Variants in NCOA6 observed in about 807,000 individuals in gnomAD.
The protein encoded by NCOA6 is nuclear receptor coactivator 6.
Under a neutral mutation model 171.4 loss-of-function variants are expected in NCOA6, and 49 were observed. The observed-to-expected ratio is 0.29, with a 90% CI of 0.23 to 0.36. The LOEUF (loss-of-function observed/expected upper bound fraction) is 0.36, where lower values mean the gene tolerates loss of function less well. Among genes scored for constraint, NCOA6 ranks in the 10% least tolerant of loss-of-function variants. The pLI, the probability that NCOA6 is intolerant of heterozygous loss-of-function variation, is 1.00. For missense variants in NCOA6, 2,248 were observed against 2,554.5 expected, an observed-to-expected ratio of 0.88 and a Z score of 2.59; for synonymous variants, 910 against 927.5, an observed-to-expected ratio of 0.98 and a Z score of 0.34.
chr20:34,733,890 T>G (rs1052681630), intron 12 of NCOA6, among the ~76,000 whole-genome samples: 5 of 150,954 alleles, frequency 3.3e-5, no homozygotes, highest in African/African-American at 7.3e-5. Context: ...GAAGGGAATC[T>G]TTGCTTCTCA....
chr20:34,792,945 T>C (rs1352780239), intron 1 of NCOA6, among the ~76,000 whole-genome samples: 2 of 151,618 alleles, frequency 1.3e-5, no homozygotes, highest in African/African-American at 4.9e-5. Flanking sequence ...ATCTGGATAA[T>C]TTTTTTGTAT....
Position 34,811,201 on chromosome 20 carries a change from GTATATATATATA to G in NCOA6, c.-164+14259_-164+14270del, listed in dbSNP as rs10700283. 2.9e-3 allele frequency among the ~76,000 whole-genome samples: 156 copies of G among 53,842 alleles called. 8 individuals carry two copies. Among genetic ancestry groups the G allele is most frequent in the Middle Eastern group, 0.012 (1 of 82 alleles). The allele number at this position is 53,842 out of a possible 152,430, so 35.3% of individuals were successfully genotyped here. On this transcript the variant is annotated intron_variant, in intron 1 of 14. Coordinates refer to ENST00000359003, the MANE Select transcript of NCOA6 (RefSeq NM_014071.5). Reference sequence around the variant, plus strand: ...TATTTAACAACAACAACAACAACGTGTATATATATATATATATATATATATATATATATATGC... The same window carrying G: ...TATTTAACAACAACAACAACAACGTGTATATATATATATATATATATATGC...
chr20:34,815,024 T>C (rs1278411782), intron 1 of NCOA6, among the ~76,000 whole-genome samples: 1 of 152,170 alleles, frequency 6.6e-6, no homozygotes, highest in Non-Finnish European at 1.5e-5. Context: ...TGACCACAAT[T>C]CAAATGAGTA....
rs1988382850 is a variant in NCOA6 at position 34,715,259 on chromosome 20, C to G, written c.*63G>C. ...AGAAATTGATTTAAAAAAGTCACAG[C>G]TCAAAATTGCTCTTTGTAAAAGTCA... On this transcript the variant is annotated 3_prime_UTR_variant, in exon 15 of 15. Transcript: ENST00000359003. 1.9e-6 allele frequency: 3 copies of G among 1,609,028 alleles called. No individual in the cohort carries two copies. The African/African-American group carries it at 4.0e-5, about 22-fold the overall frequency.
At chr20:34,822,607 G>A (rs1386150777) in intron 1 of NCOA6, among the ~76,000 whole-genome samples, 1 of 152,180 alleles carries the variant, frequency 6.6e-6, no homozygotes, top group African/African-American at 2.4e-5. Flanking sequence ...CTTCACTCAT[G>A]GGGCTGCATA....
intron 3 of NCOA6, among the ~76,000 whole-genome samples, chr20:34,778,842 C>A (rs2077425227): frequency 6.6e-6 from 1 of 151,396 alleles, no homozygotes; most frequent in Non-Finnish European, 1.5e-5. Context: ...GCCTGTAGTC[C>A]CAGCTACTTG....
At chr20:34,809,588 C>A in intron 1 of NCOA6, 1 of 397,174 alleles carries the variant, frequency 2.5e-6, no homozygotes, top group East Asian at 3.6e-5. Flanking sequence ...TACATATAAA[C>A]CCTTATAAAC....
chr20:34,765,971 A>G (rs978162276), intron 5 of NCOA6, among the ~76,000 whole-genome samples: 1 of 152,222 alleles, frequency 6.6e-6, no homozygotes, highest in East Asian at 1.9e-4. Flanking sequence ...TGAAAAACCA[A>G]CTGTTGTAGA....
At chr20:34,802,019 GAA>G (rs2078272072) in intron 1 of NCOA6, among the ~76,000 whole-genome samples, 1 of 152,146 alleles carries the variant, frequency 6.6e-6, no homozygotes, top group Admixed American at 6.5e-5. Context: ...AAAAAATAGT[GAA>G]GAGAATAGTT....
chr20:34,727,165 G>A, intron 14 of NCOA6, 94 bp downstream of exon 14: 1 of 1,415,198 alleles, frequency 7.1e-7, no homozygotes, highest in Non-Finnish European at 9.6e-7. Context: ...TTCAGGAACA[G>A]AAGCAATGAT....
chr20:34,732,030 G>C (rs867034535), intron 13 of NCOA6, among the ~76,000 whole-genome samples: 104 of 152,252 alleles, frequency 6.8e-4, no homozygotes, highest in African/African-American at 2.4e-3. Flanking sequence ...CCAAAAAAAG[G>C]CATGACTTTT....
chr20:34,779,213 G>C (rs1259470730), intron 3 of NCOA6, among the ~76,000 whole-genome samples: 1 of 152,010 alleles, frequency 6.6e-6, no homozygotes, highest in Non-Finnish European at 1.5e-5. Flanking sequence ...ACAGTTAGCT[G>C]ATAAAAAAGT....
chr20:34,755,978 C>T (rs1467305484), intron 7 of NCOA6, among the ~76,000 whole-genome samples: 2 of 152,298 alleles, frequency 1.3e-5, no homozygotes, highest in East Asian at 3.9e-4. Context: ...CTCAGGTTAT[C>T]TGCCCGCCTT....
At chr20:34,778,473 G>A (rs2077409972) in intron 3 of NCOA6, among the ~76,000 whole-genome samples, 2 of 151,346 alleles carry the variant, frequency 1.3e-5, no homozygotes, top group African/African-American at 2.4e-5. Flanking sequence ...CTGTCGCCAG[G>A]CTGGAGTGCA....
intron 4 of NCOA6, among the ~76,000 whole-genome samples, chr20:34,773,380 C>T (rs1038513157): frequency 2.0e-5 from 3 of 152,210 alleles, no homozygotes; most frequent in East Asian, 1.9e-4. Flanking sequence ...CAATGGAGAA[C>T]GGACTGTTGG....
intron 14 of NCOA6, among the ~76,000 whole-genome samples, chr20:34,720,122 TA>T (rs1989142981): frequency 6.6e-6 from 1 of 152,146 alleles, no homozygotes; most frequent in African/African-American, 2.4e-5. Flanking sequence ...AACTACCTTT[TA>T]AAAAAATAAT....
chr20:34,777,282 C>G (rs2077357721), intron 3 of NCOA6, among the ~76,000 whole-genome samples: 1 of 151,858 alleles, frequency 6.6e-6, no homozygotes, highest in Non-Finnish European at 1.5e-5. Context: ...CTATCAAAAC[C>G]ACAGAAAATA....
chr20:34,809,245 C>T (rs1349867758), intron 1 of NCOA6, among the ~76,000 whole-genome samples: 1 of 152,134 alleles, frequency 6.6e-6, no homozygotes, highest in African/African-American at 2.4e-5. Flanking sequence ...GACTTGAATG[C>T]TTTTTTATTA....
At chr20:34,769,653 G>A (rs1210625024) in intron 4 of NCOA6, among the ~76,000 whole-genome samples, 4 of 151,922 alleles carry the variant, frequency 2.6e-5, no homozygotes, top group Admixed American at 1.3e-4. Context: ...CGTGAGCCAC[G>A]GTGCCCAGCC....
Sources: gnomAD v4.1 joint callset for allele counts (sites outside exome capture counted in the v4.1 genomes callset) on GRCh38, gnomAD v4.1.1 for gene constraint, MANE v1.5 for transcripts, NCBI Gene and HGNC (gene_info 2026-07-23, HGNC 2026-07-21) for gene names.